The following TRPC7 variants were observed in gnomAD, a reference collection of about 807,000 sequenced individuals.
The protein encoded by TRPC7 is transient receptor potential cation channel subfamily C member 7, also known as short transient receptor potential channel 7.
TRPC7 carries 42 observed loss-of-function variants against 90.1 expected under a neutral mutation model. That is an observed-to-expected ratio of 0.47 (90% CI 0.36 to 0.60). The LOEUF (loss-of-function observed/expected upper bound fraction) is 0.60. Among genes scored for constraint, TRPC7 ranks in the 20% least tolerant of loss-of-function variants. TRPC7 has a pLI of 0.00. For synonymous variants in TRPC7, 451 were observed against 436.3 expected (o/e 1.03, Z -0.42); for missense variants, 955 against 1,112.3 (o/e 0.86, Z 2.01).
Position 136,251,802 on chromosome 5 carries a change from A to C in TRPC7, c.1426T>G (p.Phe476Val). 6.2e-7 allele frequency: 1 copy of C among 1,613,934 alleles called. No individual in the cohort carries two copies. The highest frequency in any genetic ancestry group is 8.5e-7 in the Non-Finnish European group (1 of 1,179,876). Residue 476 changes from phenylalanine (F) to valine (V), a missense_variant, in exon 6 of 12, where the codon TTC becomes GTC. Phe to Val is a conservative substitution (Grantham distance 50, BLOSUM62 -1). Around this residue, in one of 4 missense-constraint regions of TRPC7, gnomAD observed 484 missense variants for 509.6 expected, o/e 0.95. Transcript: ENST00000513104. ...GCCACGAAGATGGACAGCATCCCGA[A>C]ATCTAGCAGGTTCCACAAGTGCAGC... The part of the protein sequence containing the change: ...YVLHLWNLLD[F>V]GMLSIFVASF...
intron 5 of TRPC7, among the ~76,000 whole-genome samples, chr5:136,255,596 G>C (rs1157010253): frequency 6.6e-6 from 1 of 152,150 alleles, no homozygotes; most frequent in Non-Finnish European, 1.5e-5. Flanking sequence ...GACTTTCTTT[G>C]TTGGGATACT....
chr5:136,353,533 T>A (rs1423566109), intron 2 of TRPC7, among the ~76,000 whole-genome samples: 1 of 152,124 alleles, frequency 6.6e-6, no homozygotes, highest in Admixed American at 6.5e-5. Context: ...TAGAAGACAC[T>A]CTCTTGCTCT....
At chr5:136,313,191 T>C (rs1175031825) in intron 3 of TRPC7, among the ~76,000 whole-genome samples, 6 of 152,096 alleles carry the variant, frequency 3.9e-5, no homozygotes, top group African/African-American at 1.4e-4. Flanking sequence ...TAACTAAAGG[T>C]TTCCAAATTT....
intron 4 of TRPC7, among the ~76,000 whole-genome samples, chr5:136,273,462 T>C (rs984128773): frequency 5.3e-5 from 8 of 152,184 alleles, no homozygotes; most frequent in Non-Finnish European, 1.0e-4. Flanking sequence ...TAAGAGGGCT[T>C]CCATTCTTAA....
At chr5:136,294,857 C>T (rs568842912) in intron 3 of TRPC7, among the ~76,000 whole-genome samples, 17 of 152,170 alleles carry the variant, frequency 1.1e-4, no homozygotes, top group Non-Finnish European at 1.3e-4. Context: ...TGTTGCGGCA[C>T]TATTCACAAT....
At chr5:136,275,249 C>T (rs1757327631) in intron 3 of TRPC7, among the ~76,000 whole-genome samples, 1 of 152,126 alleles carries the variant, frequency 6.6e-6, no homozygotes, top group African/African-American at 2.4e-5. Context: ...TGGAGTCAGA[C>T]ATGGGTGTGA....
At chr5:136,345,533 G>A (rs1759978850) in intron 2 of TRPC7, among the ~76,000 whole-genome samples, 1 of 152,016 alleles carries the variant, frequency 6.6e-6, no homozygotes, top group Non-Finnish European at 1.5e-5. Flanking sequence ...TGCACTCCAG[G>A]CTGGGTGACA....
chr5:136,319,251 A>T (rs1302469789), intron 2 of TRPC7, among the ~76,000 whole-genome samples: 1 of 152,102 alleles, frequency 6.6e-6, no homozygotes, highest in Non-Finnish European at 1.5e-5. Flanking sequence ...GTTCACACCT[A>T]CATGTGTCTC....
intron 2 of TRPC7, among the ~76,000 whole-genome samples, chr5:136,318,964 C>T (rs576178786): frequency 6.6e-6 from 1 of 152,062 alleles, no homozygotes; most frequent in Non-Finnish European, 1.5e-5. Flanking sequence ...AAAAGCCTGA[C>T]CTTGGTTGGG....
At chr5:136,356,586 G>C in intron 2 of TRPC7, 22 bp downstream of exon 2, 4 of 1,509,632 alleles carry the variant, frequency 2.6e-6, no homozygotes, top group Non-Finnish European at 2.7e-6. Context: ...CCTGCCTGCA[G>C]GGTGCTAAGT....
At chr5:136,271,222 T>C (rs536519109) in intron 4 of TRPC7, among the ~76,000 whole-genome samples, 46 of 152,304 alleles carry the variant, frequency 3.0e-4, no homozygotes, top group Non-Finnish European at 6.3e-4. Context: ...TACAAAGATA[T>C]AAGGTTGGAT....
chr5:136,268,776 T>C (rs1427619859), intron 4 of TRPC7, among the ~76,000 whole-genome samples: 1 of 152,244 alleles, frequency 6.6e-6, no homozygotes, highest in African/African-American at 2.4e-5. Context: ...CAGTTCCCAC[T>C]TGATCTAGGT....
intron 3 of TRPC7, among the ~76,000 whole-genome samples, chr5:136,295,105 AG>A (rs1243905939): frequency 3.4e-5 from 5 of 148,036 alleles, no homozygotes; most frequent in Non-Finnish European, 7.5e-5. Flanking sequence ...ACATGGACAC[AG>A]GAAGGGGAAC....
intron 3 of TRPC7, among the ~76,000 whole-genome samples, chr5:136,284,701 C>T (rs1275884151): frequency 6.6e-6 from 1 of 152,206 alleles, no homozygotes; most frequent in East Asian, 1.9e-4. Flanking sequence ...AGAGAAGAGG[C>T]ACCCAGCCCA....
intron 5 of TRPC7, among the ~76,000 whole-genome samples, chr5:136,255,245 A>G (rs926683093): frequency 6.6e-6 from 1 of 152,214 alleles, no homozygotes; most frequent in African/African-American, 2.4e-5. Flanking sequence ...GTCAAATGCT[A>G]TGAAACTGCA....
intron 4 of TRPC7, among the ~76,000 whole-genome samples, chr5:136,270,827 C>T (rs1757187098): frequency 6.6e-6 from 1 of 152,132 alleles, no homozygotes; most frequent in Non-Finnish European, 1.5e-5. Flanking sequence ...CTGGACTAGC[C>T]TTTTGGACTT....
At chr5:136,328,746 GA>G (rs1561720982) in intron 2 of TRPC7, among the ~76,000 whole-genome samples, 1 of 152,268 alleles carries the variant, frequency 6.6e-6, no homozygotes, top group Non-Finnish European at 1.5e-5. Flanking sequence ...TGATGACCTA[GA>G]GTGTATAGGT....
At chr5:136,364,189 G>T (rs984239030) in intron 1 of TRPC7, among the ~76,000 whole-genome samples, 2 of 152,204 alleles carry the variant, frequency 1.3e-5, no homozygotes, top group Non-Finnish European at 2.9e-5. Flanking sequence ...CATGCATTCT[G>T]CAATTAGCCT....
At chr5:136,344,115 C>T (rs1006683492) in intron 2 of TRPC7, among the ~76,000 whole-genome samples, 1 of 152,088 alleles carries the variant, frequency 6.6e-6, no homozygotes, top group Admixed American at 6.6e-5. Context: ...AGATCATGTC[C>T]TTTGCGGCAA....
Sources: allele counts gnomAD v4.1 joint callset (sites outside exome capture counted in the v4.1 genomes callset), GRCh38; gene constraint gnomAD v4.1.1; regional missense constraint gnomAD v4.1.1; transcripts MANE v1.5; gene names NCBI Gene and HGNC (gene_info 2026-07-23, HGNC 2026-07-21).